Variants in NEDD9 observed in about 807,000 individuals in gnomAD.
The protein encoded by NEDD9 is neural precursor cell expressed, developmentally down-regulated 9, also known as enhancer of filamentation 1.
Under a neutral mutation model 76.6 loss-of-function variants are expected in NEDD9, and 26 were observed. The observed-to-expected ratio is 0.34, with a 90% CI of 0.25 to 0.47. The LOEUF is 0.47. Ranked by LOEUF, NEDD9 falls within the 20% of genes least tolerant of loss-of-function variation. The pLI is 1.00. For synonymous variants in NEDD9, 392 were observed against 414.2 expected (o/e 0.95, Z 0.65); for missense variants, 937 against 1,058.5 (o/e 0.89, Z 1.59).
At chr6:11,373,840 T>A (rs1336714604) in intron 1 of NEDD9, among the ~76,000 whole-genome samples, 1 of 152,130 alleles carries the variant, frequency 6.6e-6, no homozygotes, top group African/African-American at 2.4e-5. Context: ...TGACCTTCCA[T>A]AATGTAGGTG....
intron 1 of NEDD9, among the ~76,000 whole-genome samples, chr6:11,376,908 T>G (rs549115956): frequency 1.8e-4 from 27 of 152,334 alleles, no homozygotes; most frequent in African/African-American, 5.5e-4. Context: ...CCCAGGGCCC[T>G]ACTGCCCTGC....
chr6:11,294,285 G>A (rs1265725840), intron 3 of NEDD9, among the ~76,000 whole-genome samples: 1 of 152,092 alleles, frequency 6.6e-6, no homozygotes, highest in African/African-American at 2.4e-5. Context: ...CAGCTAATAT[G>A]GTTTGGCTCT....
intron 3 of NEDD9, among the ~76,000 whole-genome samples, chr6:11,268,679 G>A (rs1464433035): frequency 6.6e-6 from 1 of 151,914 alleles, no homozygotes; most frequent in Non-Finnish European, 1.5e-5. Flanking sequence ...AGTGAGCCGA[G>A]ATTGGGCCAC....
At chr6:11,333,821 G>C (rs766910922) in intron 2 of NEDD9, among the ~76,000 whole-genome samples, 3 of 152,232 alleles carry the variant, frequency 2.0e-5, no homozygotes, top group Non-Finnish European at 2.9e-5. Flanking sequence ...CTGGGGCTGT[G>C]TCTGCATGCC....
intron 2 of NEDD9, among the ~76,000 whole-genome samples, chr6:11,329,408 C>T (rs1447412840): frequency 6.6e-6 from 1 of 152,174 alleles, no homozygotes; most frequent in African/African-American, 2.4e-5. Context: ...CACAACCTGT[C>T]CCCCAGGACC....
At chr6:11,296,544 C>T (rs1444712640) in intron 3 of NEDD9, among the ~76,000 whole-genome samples, 3 of 152,182 alleles carry the variant, frequency 2.0e-5, no homozygotes, top group South Asian at 2.1e-4. Flanking sequence ...TGTAAATACA[C>T]GGTGTGGATA....
intron 1 of NEDD9, among the ~76,000 whole-genome samples, chr6:11,214,392 C>T (rs934764877): frequency 6.6e-6 from 1 of 152,228 alleles, no homozygotes; most frequent in African/African-American, 2.4e-5. Context: ...AATTTATTAA[C>T]ACATAGGTGG....
chr6:11,227,701 C>T (rs940304696), intron 1 of NEDD9, among the ~76,000 whole-genome samples: 6 of 152,186 alleles, frequency 3.9e-5, no homozygotes, highest in African/African-American at 1.4e-4. Context: ...TTACTTAAAA[C>T]TAAACAGGCC....
chr6:11,335,248 C>T (rs1303052202), intron 1 of NEDD9, among the ~76,000 whole-genome samples: 1 of 152,076 alleles, frequency 6.6e-6, no homozygotes, highest in Non-Finnish European at 1.5e-5. Context: ...CGAGTGACGA[C>T]CAGGTGAGTG....
chr6:11,314,884 T>G (rs959489031), intron 2 of NEDD9, among the ~76,000 whole-genome samples: 1 of 152,128 alleles, frequency 6.6e-6, no homozygotes, highest in African/African-American at 2.4e-5. Context: ...CATCCTCAGT[T>G]TTGTATCTTA....
chr6:11,356,162 G>T (rs989800925), intron 1 of NEDD9, among the ~76,000 whole-genome samples: 4 of 152,240 alleles, frequency 2.6e-5, no homozygotes, highest in African/African-American at 9.6e-5. Flanking sequence ...TGTTAGGGGA[G>T]TGGGGAAACC....
At chr6:11,268,076 C>T (rs1477174239) in intron 3 of NEDD9, among the ~76,000 whole-genome samples, 1 of 152,168 alleles carries the variant, frequency 6.6e-6, no homozygotes, top group African/African-American at 2.4e-5. Flanking sequence ...GTCGCCCAGG[C>T]TGGAGTGCAG....
At chr6:11,257,188 G>A (rs1307619438) in intron 3 of NEDD9, among the ~76,000 whole-genome samples, 3 of 152,310 alleles carry the variant, frequency 2.0e-5, no homozygotes, top group Admixed American at 2.0e-4. Context: ...GACATTCTGG[G>A]CTGGATAATT....
In NEDD9 at chr6:11,305,183, C is replaced by T. The variant is rs913857342; in HGVS notation, c.12+809G>A. The stretch of plus-strand genomic sequence containing the variant: ...CTCTGAGATACAGAAAACAGTTGAT[C>T]GATCTCAATAGATAAGGGAATTTAC... On this transcript the variant is annotated intron_variant, in intron 3 of 3. Transcript: ENST00000397378. 1.8e-5 allele frequency: 23 copies of T among 1,252,840 alleles called. No homozygotes were observed. In the Admixed American group the frequency reaches 2.2e-4, roughly 12 times the overall value. The allele number at this position is 1,252,840 out of a possible 1,614,324, so 77.6% of individuals were successfully genotyped here. A position where few individuals can be genotyped will look rare whatever the true frequency, so the allele number is the denominator to read the frequency against.
intron 3 of NEDD9, among the ~76,000 whole-genome samples, chr6:11,264,893 C>T (rs763428778): frequency 6.6e-6 from 1 of 151,958 alleles, no homozygotes; most frequent in East Asian, 1.9e-4. Context: ...AGATGGGGGT[C>T]TTACTGTATT....
intron 2 of NEDD9, among the ~76,000 whole-genome samples, chr6:11,205,517 C>T (rs138541361): frequency 6.2e-4 from 94 of 152,198 alleles, no homozygotes; most frequent in Middle Eastern, 6.8e-3. Context: ...AAATCAGAGG[C>T]GATTGTGGCA....
At chr6:11,319,755 T>TGCACACTCAC (rs369189084) in intron 2 of NEDD9, among the ~76,000 whole-genome samples, 2 of 74,210 alleles carry the variant, frequency 2.7e-5, no homozygotes, top group East Asian at 1.3e-3. Flanking sequence ...CACACTAACA[T>TGCACACTCAC]GCACACTAAC....
At chr6:11,322,396 A>G (rs1761827845) in intron 2 of NEDD9, among the ~76,000 whole-genome samples, 1 of 152,100 alleles carries the variant, frequency 6.6e-6, no homozygotes, top group South Asian at 2.1e-4. Flanking sequence ...TGGTCCTGGC[A>G]CCTGAGGACT....
intron 3 of NEDD9, among the ~76,000 whole-genome samples, chr6:11,246,144 G>C (rs556292630): frequency 6.6e-6 from 1 of 152,134 alleles, no homozygotes; most frequent in Non-Finnish European, 1.5e-5. Flanking sequence ...TAATAGCAAA[G>C]GATAAAAGAA....
Sources: allele counts gnomAD v4.1 joint callset (sites outside exome capture counted in the v4.1 genomes callset), GRCh38; gene constraint gnomAD v4.1.1; transcripts MANE v1.5; gene names NCBI Gene and HGNC (gene_info 2026-07-23, HGNC 2026-07-21).